Variants in GRID2 observed in about 807,000 individuals in gnomAD.
GRID2 encodes glutamate ionotropic receptor delta type subunit 2, also known as glutamate receptor ionotropic, delta-2.
In GRID2, 33 loss-of-function variants were observed where a neutral mutation model predicts 114.8. That is an observed-to-expected ratio of 0.29 (90% CI 0.22 to 0.38). GRID2 has a LOEUF of 0.38. GRID2 is among the 10% of genes least tolerant of loss of function. The probability of loss-of-function intolerance (pLI) is 1.00; values close to 1 mark genes in which losing one functional copy is unlikely to be tolerated. For synonymous variants in GRID2, 505 were observed against 449.9 expected (o/e 1.12, Z -1.55); for missense variants, 1,184 against 1,257.7 (o/e 0.94, Z 0.89).
chr4:93,046,452 G>A (rs1726144479), intron 2 of GRID2, among the ~76,000 whole-genome samples: 1 of 152,078 alleles, frequency 6.6e-6, no homozygotes, highest in Admixed American at 6.6e-5. Context: ...AATTTCAACA[G>A]AGAAGATTCT....
At chr4:93,494,986 G>C (rs1580243020) in intron 12 of GRID2, among the ~76,000 whole-genome samples, 1 of 151,730 alleles carries the variant, frequency 6.6e-6, no homozygotes, top group East Asian at 1.9e-4. Context: ...AGTGAAAATA[G>C]CTATGGGAAA....
At chr4:93,153,676 A>C (rs1736922040) in intron 4 of GRID2, among the ~76,000 whole-genome samples, 1 of 152,104 alleles carries the variant, frequency 6.6e-6, no homozygotes, top group African/African-American at 2.4e-5. Flanking sequence ...GTCCCAGTTT[A>C]GAAGGAAAGT....
intron 2 of GRID2, among the ~76,000 whole-genome samples, chr4:92,818,617 T>A (rs985047956): frequency 6.6e-6 from 1 of 152,118 alleles, no homozygotes; most frequent in Admixed American, 6.6e-5. Flanking sequence ...GTGGCAAATA[T>A]ATGAGGAAGT....
chr4:93,623,631 T>C (rs563482138), intron 13 of GRID2, among the ~76,000 whole-genome samples: 3 of 152,228 alleles, frequency 2.0e-5, no homozygotes, highest in Non-Finnish European at 2.9e-5. Context: ...GTGGCACATA[T>C]ACACTATGGA....
At chr4:92,609,823 T>C (rs1223286009) in intron 2 of GRID2, among the ~76,000 whole-genome samples, 1 of 151,588 alleles carries the variant, frequency 6.6e-6, no homozygotes, top group East Asian at 1.9e-4. Context: ...AAATTACACA[T>C]ACTATAGATG....
intron 1 of GRID2, among the ~76,000 whole-genome samples, chr4:92,558,114 C>T (rs946098064): frequency 6.6e-6 from 1 of 151,994 alleles, no homozygotes; most frequent in Non-Finnish European, 1.5e-5. Context: ...TAACATTGTT[C>T]CTGTGAGGGA....
Position 93,285,743 on chromosome 4 carries a change from GTC to G in GRID2, c.1245+47255_1245+47256del, listed in dbSNP as rs1753087698. On this transcript the variant is annotated intron_variant, in intron 8 of 15. Transcript: ENST00000282020. ...ATGCTAAAATATGAATTAAAATTCT[GTC>G]TTTTTAAATAAGCATTTGGAGTGAT... 4.6e-5 allele frequency among the ~76,000 whole-genome samples: 7 copies of G among 152,078 alleles called. No homozygotes were observed. In the South Asian group the frequency reaches 1.0e-3, roughly 23 times the overall value.
chr4:93,148,995 T>C (rs755222416), intron 4 of GRID2, among the ~76,000 whole-genome samples: 1 of 152,170 alleles, frequency 6.6e-6, no homozygotes, highest in Non-Finnish European at 1.5e-5. Flanking sequence ...ATCATGAATT[T>C]ATGTTTCAGT....
At chr4:93,463,849 C>T (rs1024030924) in intron 11 of GRID2, among the ~76,000 whole-genome samples, 5 of 151,864 alleles carry the variant, frequency 3.3e-5, no homozygotes, top group South Asian at 2.1e-4. Flanking sequence ...ATTAGCCAGG[C>T]GTGGTGGCGG....
At chr4:92,526,489 G>A (rs117327727) in intron 1 of GRID2, among the ~76,000 whole-genome samples, 1 of 152,010 alleles carries the variant, frequency 6.6e-6, no homozygotes, top group East Asian at 2.0e-4. Flanking sequence ...GATTATAGGT[G>A]CCCACAACAT....
At chr4:92,437,319 G>A (rs1732783171) in intron 1 of GRID2, among the ~76,000 whole-genome samples, 5 of 152,176 alleles carry the variant, frequency 3.3e-5, no homozygotes, top group Admixed American at 3.3e-4. Flanking sequence ...TCGCCCTGTA[G>A]CCCAGCCTGG....
chr4:93,411,239 A>T (rs1445540895), intron 9 of GRID2, among the ~76,000 whole-genome samples: 1 of 152,178 alleles, frequency 6.6e-6, no homozygotes, highest in East Asian at 1.9e-4. Context: ...TCCCAAACTC[A>T]TAAAACTATT....
chr4:93,126,929 G>A (rs1734334218), intron 4 of GRID2, among the ~76,000 whole-genome samples: 1 of 152,092 alleles, frequency 6.6e-6, no homozygotes, highest in African/African-American at 2.4e-5. Context: ...TTCTCATGAA[G>A]TTTTTATTGC....
chr4:93,391,871 A>C (rs998929190), intron 8 of GRID2, among the ~76,000 whole-genome samples: 1 of 152,176 alleles, frequency 6.6e-6, no homozygotes, highest in Admixed American at 6.6e-5. Context: ...TTTTAACAGA[A>C]TGTTACAAGA....
At chr4:93,517,656 A>T (rs906278601) in intron 13 of GRID2, among the ~76,000 whole-genome samples, 1 of 151,922 alleles carries the variant, frequency 6.6e-6, no homozygotes, top group Non-Finnish European at 1.5e-5. Context: ...ACAAATAATA[A>T]CCTTTTCACC....
At chr4:92,308,277 T>C (rs1725516950) in intron 1 of GRID2, among the ~76,000 whole-genome samples, 1 of 152,210 alleles carries the variant, frequency 6.6e-6, no homozygotes, top group Admixed American at 6.5e-5. Flanking sequence ...TATGCTCCTT[T>C]CTTTATCTGG....
Position 93,135,876 on chromosome 4 carries a change from C to G in GRID2, c.735+24923C>G, listed in dbSNP as rs76410310. Among the ~76,000 whole-genome samples, 348 of 152,242 alleles carry G rather than the reference C, an allele frequency of 2.3e-3. 1 individual carries two copies. Among genetic ancestry groups the G allele is most frequent in the African/African-American group, 7.9e-3 (330 of 41,548 alleles). ...ATCAAAATCCTGCCAACAATAACAA[C>G]AAAATACTTATTATATGTGGATCAA... On this transcript the variant is annotated intron_variant, in intron 4 of 15. Transcript: ENST00000282020.
intron 1 of GRID2, among the ~76,000 whole-genome samples, chr4:92,524,006 A>C (rs1172752918): frequency 6.6e-6 from 1 of 152,080 alleles, no homozygotes; most frequent in Non-Finnish European, 1.5e-5. Flanking sequence ...GGGGAATTTT[A>C]CTTTACTGTT....
chr4:92,719,893 A>G (rs1735731527), intron 2 of GRID2, among the ~76,000 whole-genome samples: 1 of 152,126 alleles, frequency 6.6e-6, no homozygotes, highest in Non-Finnish European at 1.5e-5. Context: ...TAAGTCAAGG[A>G]TACTAGCAAT....
Sources: gnomAD v4.1 joint callset for allele counts (sites outside exome capture counted in the v4.1 genomes callset) on GRCh38, gnomAD v4.1.1 for gene constraint, MANE v1.5 for transcripts, NCBI Gene and HGNC (gene_info 2026-07-23, HGNC 2026-07-21) for gene names.